Variants in KCNU1 observed in about 807,000 individuals in gnomAD.
KCNU1 encodes potassium channel subfamily U member 1.
In KCNU1, 93 loss-of-function variants were observed where a neutral mutation model predicts 126.8. The observed-to-expected ratio is 0.73, with a 90% CI of 0.62 to 0.87. The LOEUF (loss-of-function observed/expected upper bound fraction) is 0.87. Among genes scored for constraint, KCNU1 ranks in the 40% least tolerant of loss-of-function variants. The pLI is 0.00. For synonymous variants in KCNU1, 523 were observed against 494.2 expected, an observed-to-expected ratio of 1.06 and a Z score of -0.77; for missense variants, 1,330 against 1,367.1, an observed-to-expected ratio of 0.97 and a Z score of 0.43.
At position 36,907,564 on chromosome 8, in the gene KCNU1, A is replaced by G. The variant is rs114466485; in HGVS notation, c.2107-1747A>G. On this transcript the variant is annotated intron_variant, in intron 20 of 26. Coordinates refer to ENST00000399881, the MANE Select transcript of KCNU1 (RefSeq NM_001031836.3). ...CTCTAGGAAGGCTCTCCAGACAAGTAGCTTTATTTCCCCTCGCAGGGAGAT... is the reference window on the plus strand; with the variant it reads ...CTCTAGGAAGGCTCTCCAGACAAGTGGCTTTATTTCCCCTCGCAGGGAGAT... Among the ~76,000 whole-genome samples, 627 of 152,336 alleles carry G rather than the reference A, an allele frequency of 4.1e-3. 6 individuals are homozygous for G. Among genetic ancestry groups the G allele is most frequent in the African/African-American group, 0.014 (593 of 41,596 alleles).
intron 2 of KCNU1, among the ~76,000 whole-genome samples, chr8:36,803,613 T>C (rs534668803): frequency 6.4e-4 from 97 of 152,296 alleles, no homozygotes; most frequent in African/African-American, 2.3e-3. Flanking sequence ...AGGGTCTATT[T>C]CCAATAACCC....
intron 19 of KCNU1, among the ~76,000 whole-genome samples, chr8:36,892,736 C>G (rs1807016106): frequency 6.6e-6 from 1 of 152,022 alleles, no homozygotes; most frequent in Non-Finnish European, 1.5e-5. Context: ...ATTCTGTGTG[C>G]ATGTTGAGGT....
intron 18 of KCNU1, among the ~76,000 whole-genome samples, chr8:36,854,198 A>G (rs570301597): frequency 2.3e-4 from 35 of 152,182 alleles, no homozygotes; most frequent in African/African-American, 7.9e-4. Flanking sequence ...CCATGTGTCA[A>G]TCTCTTTAAA....
At chr8:36,830,624 G>A (rs1804500955) in intron 10 of KCNU1, among the ~76,000 whole-genome samples, 1 of 152,028 alleles carries the variant, frequency 6.6e-6, no homozygotes, top group South Asian at 2.1e-4. Context: ...TATGGTAGAA[G>A]TTAAACGCGA....
At chr8:36,927,429 C>G (rs929343660) in intron 24 of KCNU1, among the ~76,000 whole-genome samples, 1 of 152,094 alleles carries the variant, frequency 6.6e-6, no homozygotes, top group African/African-American at 2.4e-5. Flanking sequence ...GGCCCATATG[C>G]AGGGTTCCTA....
At chr8:36,823,101 G>C (rs1329798775) in intron 10 of KCNU1, among the ~76,000 whole-genome samples, 2 of 152,134 alleles carry the variant, frequency 1.3e-5, no homozygotes, top group Admixed American at 1.3e-4. Flanking sequence ...TTCAGCAATT[G>C]TTAGGGGATG....
intron 24 of KCNU1, among the ~76,000 whole-genome samples, chr8:36,929,197 C>CA (rs1326631574): frequency 6.6e-6 from 1 of 151,890 alleles, no homozygotes; most frequent in Non-Finnish European, 1.5e-5. Context: ...GCATGGCCAA[C>CA]ATGGCAAAAC....
chr8:36,875,507 C>T (rs1806249943), intron 19 of KCNU1, among the ~76,000 whole-genome samples: 1 of 150,950 alleles, frequency 6.6e-6, no homozygotes, highest in Non-Finnish European at 1.5e-5. Context: ...TCTACAATAG[C>T]TAAAAATAAG....
chr8:36,787,769 A>G (rs1802763780), intron 2 of KCNU1, among the ~76,000 whole-genome samples: 1 of 147,888 alleles, frequency 6.8e-6, no homozygotes, highest in Non-Finnish European at 1.5e-5. Context: ...ATAGAATATT[A>G]TATAATTATT....
chr8:36,830,512 T>G (rs901061956), intron 10 of KCNU1, among the ~76,000 whole-genome samples: 1 of 152,098 alleles, frequency 6.6e-6, no homozygotes, highest in Non-Finnish European at 1.5e-5. Flanking sequence ...TTTTTGGTAA[T>G]ATGATTATTT....
At chr8:36,870,001 T>G (rs192823678) in intron 19 of KCNU1, among the ~76,000 whole-genome samples, 1 of 152,280 alleles carries the variant, frequency 6.6e-6, no homozygotes, top group East Asian at 1.9e-4. Flanking sequence ...AGATCTACGA[T>G]GCAGTAGTTA....
At chr8:36,886,852 T>C (rs1434742674) in intron 19 of KCNU1, among the ~76,000 whole-genome samples, 2 of 152,190 alleles carry the variant, frequency 1.3e-5, no homozygotes, top group Non-Finnish European at 2.9e-5. Flanking sequence ...TGTATGCCTT[T>C]GCATACCCAT....
At chr8:36,885,181 C>G (rs1236116814) in intron 19 of KCNU1, among the ~76,000 whole-genome samples, 1 of 152,158 alleles carries the variant, frequency 6.6e-6, no homozygotes, top group Non-Finnish European at 1.5e-5. Flanking sequence ...TCCTACCAGG[C>G]TCTAGGAATT....
chr8:36,892,038 T>C (rs999546033), intron 19 of KCNU1, among the ~76,000 whole-genome samples: 3 of 152,248 alleles, frequency 2.0e-5, no homozygotes, highest in South Asian at 2.1e-4. Flanking sequence ...ATTATCTAAG[T>C]ACTCTTTCTT....
intron 2 of KCNU1, among the ~76,000 whole-genome samples, 172 bp downstream of exon 2, chr8:36,787,597 G>A (rs954864724): frequency 1.1e-4 from 16 of 150,716 alleles, no homozygotes; most frequent in East Asian, 3.9e-4. Context: ...CTCTTTACCC[G>A]TTATCTTGCT....
At chr8:36,888,423 C>A in intron 19 of KCNU1, 1 of 396,708 alleles carries the variant, frequency 2.5e-6, no homozygotes, top group Non-Finnish European at 5.1e-6. Flanking sequence ...GCACCGTGCT[C>A]TGAACTCCAG....
At chr8:36,816,710 A>G (rs1187713611) in intron 9 of KCNU1, among the ~76,000 whole-genome samples, 1 of 152,238 alleles carries the variant, frequency 6.6e-6, no homozygotes, top group Non-Finnish European at 1.5e-5. Flanking sequence ...GGAGGAAAAT[A>G]GCTCCTTTAA....
At chr8:36,786,204 A>C (rs1802705215) in intron 1 of KCNU1, among the ~76,000 whole-genome samples, 1 of 152,054 alleles carries the variant, frequency 6.6e-6, no homozygotes, top group Non-Finnish European at 1.5e-5. Flanking sequence ...TTAAATGTGC[A>C]TTTAAAACAT....
chr8:36,895,239 C>T (rs990105582), intron 19 of KCNU1, among the ~76,000 whole-genome samples: 3 of 151,908 alleles, frequency 2.0e-5, no homozygotes, highest in Admixed American at 6.6e-5. Flanking sequence ...CCACCACGCC[C>T]AGCTAATTTT....
Sources: allele counts gnomAD v4.1 joint callset (sites outside exome capture counted in the v4.1 genomes callset), GRCh38; gene constraint gnomAD v4.1.1; transcripts MANE v1.5; gene names NCBI Gene and HGNC (gene_info 2026-07-23, HGNC 2026-07-21).